Variants in ARHGAP35 observed in about 807,000 individuals in gnomAD.
ARHGAP35 encodes Rho GTPase activating protein 35, also known as rho GTPase-activating protein 35.
ARHGAP35 carries 15 observed loss-of-function variants against 111.1 expected under a neutral mutation model. That is an observed-to-expected ratio of 0.13 (90% CI 0.09 to 0.21). The LOEUF is 0.21. Among genes scored for constraint, ARHGAP35 ranks in the 10% least tolerant of loss-of-function variants. The pLI is 1.00. For synonymous variants in ARHGAP35, 643 were observed against 710.3 expected, an observed-to-expected ratio of 0.91 and a Z score of 1.51; for missense variants, 1,262 against 1,873.0, an observed-to-expected ratio of 0.67 and a Z score of 6.02.
chr19:46,996,080 G>A (rs916541347), intron 5 of ARHGAP35, among the ~76,000 whole-genome samples: 1 of 152,138 alleles, frequency 6.6e-6, no homozygotes, highest in Admixed American at 6.6e-5. Context: ...AAGGAGGCTG[G>A]GATTCTAGGG....
chr19:46,865,539 T>C (rs2055850923), intron 1 of ARHGAP35, among the ~76,000 whole-genome samples: 3 of 152,178 alleles, frequency 2.0e-5, no homozygotes, highest in Admixed American at 2.0e-4. Flanking sequence ...ATGGACCTGA[T>C]GGTGACTTTT....
At chr19:46,861,837 T>C (rs1394932061) in intron 1 of ARHGAP35, among the ~76,000 whole-genome samples, 2 of 152,068 alleles carry the variant, frequency 1.3e-5, no homozygotes, top group Non-Finnish European at 2.9e-5. Flanking sequence ...TGGAGATCCA[T>C]CTGAGACCCC....
At chr19:46,955,169 A>G (rs1034824805) in intron 3 of ARHGAP35, among the ~76,000 whole-genome samples, 3 of 152,138 alleles carry the variant, frequency 2.0e-5, no homozygotes, top group Admixed American at 1.3e-4. Context: ...CCTGAGCAGA[A>G]CTCAATGTAA....
In ARHGAP35 at chr19:46,921,276, G is replaced by A. The variant is rs1599819179; in HGVS notation, c.2601G>A (p.Leu867=). 4.3e-6 allele frequency: 7 copies of A among 1,613,968 alleles called. No individual in the cohort carries two copies. The African/African-American group carries it at 5.3e-5, about 12-fold the overall frequency. The change falls in exon 2 of 7, where the codon TTG becomes TTA. Residue 867 remains leucine (L), a synonymous_variant. Transcript: ENST00000672722. This position sits in a 1 kb window ranked among gnomAD's most constrained non-coding sequence, Gnocchi z 4.3. ...VFYSAKRKAS[L]AMLRAFLCEV... Reference sequence around the variant, plus strand: ...ATTCAGCCAAACGTAAGGCCTCTTTGGCTATGTTACGTGCCTTTCTTTGTG... The same window carrying A: ...ATTCAGCCAAACGTAAGGCCTCTTTAGCTATGTTACGTGCCTTTCTTTGTG...
At chr19:46,871,999 A>G (rs1399032967) in intron 1 of ARHGAP35, among the ~76,000 whole-genome samples, 2 of 152,184 alleles carry the variant, frequency 1.3e-5, no homozygotes, top group East Asian at 3.9e-4. Flanking sequence ...CAAAACAAAG[A>G]ATATATAGGG....
intron 1 of ARHGAP35, among the ~76,000 whole-genome samples, chr19:46,862,289 A>C (rs1245465467): frequency 6.6e-6 from 1 of 152,020 alleles, no homozygotes; most frequent in African/African-American, 2.4e-5. Flanking sequence ...CTTCAGTTTC[A>C]GCCCGTGTTC....
chr19:46,970,596 C>T (rs13344784), intron 3 of ARHGAP35, among the ~76,000 whole-genome samples: 36,082 of 152,042 alleles, frequency 0.24, 4,521 homozygotes, highest in Middle Eastern at 0.29. Flanking sequence ...GAGTGAGGGG[C>T]GTCTCCTCCC....
intron 1 of ARHGAP35, among the ~76,000 whole-genome samples, chr19:46,902,485 T>G (rs1262482532): frequency 1.3e-5 from 2 of 152,140 alleles, no homozygotes; most frequent in Non-Finnish European, 2.9e-5. Flanking sequence ...GAAAGGGGTG[T>G]GAGAAGGCCA....
At chr19:46,961,660 T>A (rs2056482964) in intron 3 of ARHGAP35, among the ~76,000 whole-genome samples, 1 of 152,180 alleles carries the variant, frequency 6.6e-6, no homozygotes, top group African/African-American at 2.4e-5. Flanking sequence ...CCAGGTGCGG[T>A]GGCTCATGCC....
At position 46,999,444 on chromosome 19, in the gene ARHGAP35, C is replaced by T; in HGVS notation, c.4142+35C>T. The T allele has an allele frequency of 7.2e-7, 1 of 1,383,256 alleles. No homozygotes were observed. The highest frequency in any genetic ancestry group is 1.0e-6 in the Non-Finnish European group (1 of 993,836). 85.7% of individuals were successfully genotyped at this position (1,383,256 alleles called of 1,614,324 possible). On this transcript the variant is annotated intron_variant, in intron 6 of 6. Coordinates refer to ENST00000672722, the MANE Select transcript of ARHGAP35 (RefSeq NM_004491.5). This position sits in a 1 kb window ranked among gnomAD's most constrained non-coding sequence, Gnocchi z 5.4. ...AGGGCCTTCTGGTTGGTTTTTCCTC[C>T]TGAAAATTGACAGCCAGGGTCAGTG...
rs549467338 is a variant in ARHGAP35 at position 46,994,524 on chromosome 19, G to A, written c.4037-4780G>A. ...ACCACACCCAGGCCCAGGTTGGAGC[G>A]GGATAGCCCAGTCAGCACCGTGCTC... is the stretch of plus-strand genomic sequence containing the variant. On this transcript the variant is annotated intron_variant, in intron 5 of 6. Coordinates refer to ENST00000672722, the MANE Select transcript of ARHGAP35 (RefSeq NM_004491.5). The surrounding 1 kb of genome is among the most constrained non-coding windows in gnomAD (Gnocchi z 5.4). Among the ~76,000 whole-genome samples, 4 of 152,308 alleles carry A rather than the reference G, an allele frequency of 2.6e-5. No individual in the cohort carries two copies. Among genetic ancestry groups the A allele is most frequent in the Non-Finnish European group, 4.4e-5 (3 of 68,026 alleles).
intron 3 of ARHGAP35, 57 bp downstream of exon 3, chr19:46,937,465 G>GACATCCA: frequency 6.3e-7 from 1 of 1,580,966 alleles, no homozygotes. Flanking sequence ...GATGCTTACT[G>GACATCCA]GAGGGTCAAG....
At position 46,880,947 on chromosome 19, in the gene ARHGAP35, C is replaced by CTT. The variant is rs1206653160; in HGVS notation, c.-189+19756_-189+19757dup. Among the ~76,000 whole-genome samples the CTT allele has an allele frequency of 4.9e-3, 561 of 113,724 alleles. 4 individuals are homozygous for CTT. The highest frequency in any genetic ancestry group is 7.6e-3 in the Non-Finnish European group (408 of 53,394). 74.6% of individuals were successfully genotyped at this position (113,724 alleles called of 152,430 possible). A position where few individuals can be genotyped will look rare whatever the true frequency, so the allele number is the denominator to read the frequency against. On this transcript the variant is annotated intron_variant, in intron 1 of 6. Coordinates refer to ENST00000672722, the MANE Select transcript of ARHGAP35 (RefSeq NM_004491.5). ...TGCCTCAGCCTCTCAAATGAATGTT[C>CTT]TTTTTTTTTTTTTTTTTTTGAGATG...
rs2056755597 is a variant in ARHGAP35, at chr19:47,002,893, G to A, written c.*2205G>A. ...CCAGTGACTTCCCCAGGAGTGTGGA[G>A]GGGGTGGTGAGGAGGAGCACCTGGG... On this transcript the variant is annotated 3_prime_UTR_variant, in exon 7 of 7. Coordinates refer to ENST00000672722, the MANE Select transcript of ARHGAP35 (RefSeq NM_004491.5). The A allele has an allele frequency of 6.6e-6, 1 of 152,274 alleles. No homozygotes were observed. Among genetic ancestry groups the A allele is most frequent in the South Asian group, 2.1e-4 (1 of 4,832 alleles). The allele number at this position is 152,274 out of a possible 1,614,324, so 9.4% of individuals were successfully genotyped here.
chr19:46,989,433 G>A lies in ARHGAP35; in HGVS notation c.3905-111G>A. 7.1e-7 allele frequency: 1 copy of A among 1,410,432 alleles called. No homozygotes were observed. Among genetic ancestry groups the A allele is most frequent in the Non-Finnish European group, 9.7e-7 (1 of 1,035,898 alleles). 87.4% of individuals were successfully genotyped at this position (1,410,432 alleles called of 1,614,324 possible). The stretch of plus-strand genomic sequence containing the variant: ...CCCCTCCAATCCTTGCCAGTCCTGA[G>A]GCCGTCTCTGGCTCCTTGAGGTTTC... On this transcript the variant is annotated intron_variant, in intron 4 of 6. Transcript: ENST00000672722. The surrounding 1 kb of genome is among the most constrained non-coding windows in gnomAD (Gnocchi z 5.3).
At chr19:46,930,286 G>C (rs941043895) in intron 2 of ARHGAP35, among the ~76,000 whole-genome samples, 1 of 151,376 alleles carries the variant, frequency 6.6e-6, no homozygotes, top group Non-Finnish European at 1.5e-5. Flanking sequence ...CTGAGCCCAG[G>C]GAGGTCGAGG....
chr19:46,953,138 A>G (rs1365489311), intron 3 of ARHGAP35, among the ~76,000 whole-genome samples: 2 of 152,238 alleles, frequency 1.3e-5, no homozygotes, highest in Non-Finnish European at 2.9e-5. Context: ...CTGGTGATAC[A>G]GCATTGGACC....
Position 46,922,207 on chromosome 19 carries a change from G to A in ARHGAP35, c.3532G>A (p.Gly1178Arg), listed in dbSNP as rs1315117652. The change falls in exon 2 of 7, where the codon GGG becomes AGG. Residue 1178 changes from glycine to arginine, a missense_variant. By Grantham distance (125) the Gly-to-Arg change is moderately radical. Transcript: ENST00000672722. The surrounding 1 kb of genome is among the most constrained non-coding windows in gnomAD (Gnocchi z 4.0). ...FASYRTSFSV[G>R]SDDELGPIRK... is the part of the protein sequence containing the mutation. ...TAGTTACCGGACCAGCTTCAGCGTG[G>A]GGAGTGATGATGAGCTGGGGCCCAT... 6.2e-7 allele frequency: 1 copy of A among 1,613,900 alleles called. No homozygotes were observed. Among genetic ancestry groups the A allele is most frequent in the Non-Finnish European group, 8.5e-7 (1 of 1,179,904 alleles).
chr19:46,936,690 A>G (rs1214948460), intron 2 of ARHGAP35, among the ~76,000 whole-genome samples: 1 of 152,154 alleles, frequency 6.6e-6, no homozygotes, highest in Non-Finnish European at 1.5e-5. Context: ...TTACATAAAC[A>G]TGGACTGCTT....
Sources: gnomAD v4.1 joint callset for allele counts (sites outside exome capture counted in the v4.1 genomes callset) on GRCh38, gnomAD v4.1.1 for gene constraint, Gnocchi (gnomAD v3.1) non-coding constraint, MANE v1.5 for transcripts, NCBI Gene and HGNC (gene_info 2026-07-23, HGNC 2026-07-21) for gene names.